PCDHA9: variants seen among roughly 807,000 people sequenced by gnomAD.
The protein encoded by PCDHA9 is protocadherin alpha-9.
Under a neutral mutation model 62.0 loss-of-function variants are expected in PCDHA9, and 62 were observed. The observed-to-expected ratio is 1.00, with a 90% confidence interval of 0.81 to 1.23. The LOEUF (loss-of-function observed/expected upper bound fraction) is 1.23. Ranked by LOEUF, PCDHA9 falls within the 50% of genes most tolerant of loss-of-function variation. PCDHA9 has a pLI of 0.00. For missense variants in PCDHA9, 1,205 were observed against 1,249.8 expected (o/e 0.96, Z 0.54); for synonymous variants, 557 against 567.6 (o/e 0.98, Z 0.27).
intron 1 of PCDHA9, among the ~76,000 whole-genome samples, chr5:140,937,338 C>T (rs1554211545): frequency 1.3e-5 from 2 of 151,992 alleles, no homozygotes; most frequent in Non-Finnish European, 2.9e-5. Flanking sequence ...CGCCCGGCTT[C>T]TTCCATTTAT....
At chr5:140,856,497 G>GA (rs781946866) in intron 1 of PCDHA9, 1 of 1,598,346 alleles carries the variant, frequency 6.3e-7, no homozygotes, top group Admixed American at 1.7e-5. Flanking sequence ...CTTGACTCTC[G>GA]ATTTCCACTA....
chr5:140,926,170 C>T lies in PCDHA9; in HGVS notation c.2395-52779C>T, dbSNP rs558750358. 2.6e-5 allele frequency among the ~76,000 whole-genome samples: 4 copies of T among 151,860 alleles called. No homozygotes were observed. In the South Asian group the frequency reaches 6.6e-4, roughly 25 times the overall value. On this transcript the variant is annotated intron_variant, in intron 1 of 3. Coordinates refer to ENST00000532602, the MANE Select transcript of PCDHA9 (RefSeq NM_031857.2). ...CGGAAAGCTCTGCAGCAGGATCCAG[C>T]GCGGAAAGCCCCCCGCAGCACTTCT...
intron 1 of PCDHA9, among the ~76,000 whole-genome samples, chr5:140,949,294 T>C (rs1554218899): frequency 1.3e-5 from 2 of 151,840 alleles, no homozygotes; most frequent in African/African-American, 4.8e-5. Flanking sequence ...TATTCTGTAA[T>C]TGTTGGGTGT....
At chr5:140,881,224 A>G (rs1254771945) in intron 1 of PCDHA9, 1 of 264,386 alleles carries the variant, frequency 3.8e-6, no homozygotes, top group Non-Finnish European at 5.9e-6. Context: ...TTCTTGGAAA[A>G]TTAAAGTCAA....
At chr5:141,005,437 C>T (rs1469007749) in intron 3 of PCDHA9, among the ~76,000 whole-genome samples, 4 of 152,092 alleles carry the variant, frequency 2.6e-5, no homozygotes, top group African/African-American at 7.2e-5. Context: ...GGATGAGAGG[C>T]TCACGCCTGT....
At chr5:140,990,492 A>G (rs533006418) in intron 3 of PCDHA9, among the ~76,000 whole-genome samples, 1 of 152,308 alleles carries the variant, frequency 6.6e-6, no homozygotes, top group South Asian at 2.1e-4. Flanking sequence ...TAGTGAGGTG[A>G]CATTCCCCAA....
At chr5:140,883,758 G>C (rs781858673) in intron 1 of PCDHA9, 4 of 1,612,920 alleles carry the variant, frequency 2.5e-6, no homozygotes, top group Non-Finnish European at 3.4e-6. Context: ...CTGGTGGAGC[G>C]GCGGGTGGGC....
At position 140,850,300 on chromosome 5, in the gene PCDHA9, G is replaced by T; in HGVS notation, c.1805G>T (p.Gly602Val). The T allele has an allele frequency of 1.3e-6, 2 of 1,596,680 alleles. No individual in the cohort carries two copies. Among genetic ancestry groups the T allele is most frequent in the Non-Finnish European group, 1.7e-6 (2 of 1,167,616 alleles). The change falls in exon 1 of 4, where the codon GGC becomes GTC. Residue 602 changes from glycine to valine, a missense_variant. Around this residue, in one of 3 missense-constraint regions of PCDHA9, gnomAD observed 887 missense variants for 809.5 expected, o/e 1.10. Transcript: ENST00000532602. The stretch of plus-strand genomic sequence containing the variant: ...GTGCGCGCAGTGGACGCCGACTCGG[G>T]CTACAACGCGTGGCTTTCATACGAG... Reference protein sequence around the residue: ...GKVRAVDADSGYNAWLSYELQ... With the variant: ...GKVRAVDADSVYNAWLSYELQ...
intron 1 of PCDHA9, chr5:140,929,773 G>A (rs554286771): frequency 5.8e-6 from 1 of 173,032 alleles, no homozygotes; most frequent in East Asian, 1.8e-4. Context: ...AACCACAAAA[G>A]ATGTAAAAAT....
intron 1 of PCDHA9, chr5:140,867,234 G>T (rs782656807): frequency 2.0e-5 from 3 of 152,032 alleles, no homozygotes; most frequent in African/African-American, 4.8e-5. Context: ...CCATAATAAG[G>T]TGATTGAGGA....
intron 1 of PCDHA9, among the ~76,000 whole-genome samples, chr5:140,932,087 A>G (rs1262295013): frequency 6.6e-6 from 1 of 151,918 alleles, no homozygotes; most frequent in African/African-American, 2.4e-5. Flanking sequence ...TCAGGAAAAC[A>G]TGGTTTTTAT....
intron 1 of PCDHA9, among the ~76,000 whole-genome samples, chr5:140,975,853 C>T (rs1419464318): frequency 6.6e-6 from 1 of 152,126 alleles, no homozygotes; most frequent in African/African-American, 2.4e-5. Context: ...AATACTACAT[C>T]ACCCATATGG....
chr5:140,851,336 A>C, intron 1 of PCDHA9: 1 of 979,180 alleles, frequency 1.0e-6, no homozygotes, highest in Non-Finnish European at 1.2e-6. Context: ...GTAGTTCTCT[A>C]CATTTCTCTG....
chr5:140,884,703 A>T, intron 1 of PCDHA9: 3 of 1,495,534 alleles, frequency 2.0e-6, no homozygotes, highest in Non-Finnish European at 2.7e-6. Flanking sequence ...TAAACACTTT[A>T]GCCTTCCTTG....
At chr5:140,951,420 T>G (rs1212893926) in intron 1 of PCDHA9, among the ~76,000 whole-genome samples, 3 of 151,992 alleles carry the variant, frequency 2.0e-5, no homozygotes, top group African/African-American at 7.2e-5. Flanking sequence ...TGGCTCACAG[T>G]TCCACAGGCT....
chr5:140,883,377 C>T lies in PCDHA9; in HGVS notation c.2394+32488C>T, dbSNP rs1436655611. On this transcript the variant is annotated intron_variant, in intron 1 of 3. Coordinates refer to ENST00000532602, the MANE Select transcript of PCDHA9 (RefSeq NM_031857.2). ...GACACTCAGCCTAGCGCCATTATTG[C>T]CCTAATCAGTGTGTCCGATCGTGAC... The T allele has an allele frequency of 1.5e-5, 25 of 1,614,054 alleles. No individual in the cohort carries two copies. Among genetic ancestry groups the T allele is most frequent in the Non-Finnish European group, 2.0e-5 (24 of 1,180,036 alleles).
At chr5:140,934,695 T>G (rs155824) in intron 1 of PCDHA9, among the ~76,000 whole-genome samples, 48,210 of 151,950 alleles carry the variant, frequency 0.32, 7,985 homozygotes, top group East Asian at 0.53. Flanking sequence ...ATGAATTGAT[T>G]CCTGGCCATC....
chr5:140,966,589 GGCCAGGA>G (rs1554228448), intron 1 of PCDHA9: 2 of 580,716 alleles, frequency 3.4e-6, no homozygotes, highest in Non-Finnish European at 5.5e-6. Flanking sequence ...AGGACGGTGG[GGCCAGGA>G]GCCCTTGGGA....
intron 1 of PCDHA9, chr5:140,966,994 C>T: frequency 6.2e-7 from 1 of 1,604,620 alleles, no homozygotes; most frequent in Non-Finnish European, 8.5e-7. Context: ...GGCCGGGTTG[C>T]TTGCGCATCA....
Sources: allele counts gnomAD v4.1 joint callset (sites outside exome capture counted in the v4.1 genomes callset), GRCh38; gene constraint gnomAD v4.1.1; regional missense constraint gnomAD v4.1.1; transcripts MANE v1.5; gene names NCBI Gene and HGNC (gene_info 2026-07-23, HGNC 2026-07-21).